TRAPPC1: variants seen among roughly 807,000 people sequenced by gnomAD.
TRAPPC1 encodes trafficking protein particle complex subunit 1.
TRAPPC1 carries 10 observed loss-of-function variants against 17.2 expected under a neutral mutation model. The observed-to-expected ratio is 0.58, with a 90% CI of 0.36 to 0.99. The LOEUF is 0.99. Among genes scored for constraint, TRAPPC1 ranks in the 50% least tolerant of loss-of-function variants. The pLI is 0.01. For synonymous variants in TRAPPC1, 85 were observed against 74.5 expected (o/e 1.14, Z -0.72); for missense variants, 163 against 184.4 (o/e 0.88, Z 0.67).
At chr17:7,931,632 G>A (rs1186862262) in intron 1 of TRAPPC1, 56 bp from the exon 2 acceptor site, 3 of 657,388 alleles carry the variant, frequency 4.6e-6, no homozygotes, top group East Asian at 4.2e-5. Flanking sequence ...GGGGTGGGGG[G>A]TGGGAACGAG....
In TRAPPC1 at chr17:7,931,136, G is replaced by A; in HGVS notation, c.184C>T (p.Leu62=). Reference sequence around the variant, plus strand: ...TTGTAACGGCTAGTTTGGAAGGCCAGGAAGCCATCCTTCCTGCAGAGATGA... The same window carrying A: ...TTGTAACGGCTAGTTTGGAAGGCCAAGAAGCCATCCTTCCTGCAGAGATGA... ...MSPLDMKDGF[L]AFQTSRYKLH... The change falls in exon 3 of 4, where the codon CTG becomes TTG. Residue 62 remains leucine, a synonymous_variant. Transcript: ENST00000303731. 1 of 1,614,020 alleles carries A rather than the reference G, an allele frequency of 6.2e-7. No individual in the cohort carries two copies. The highest frequency in any genetic ancestry group is 8.5e-7 in the Non-Finnish European group (1 of 1,179,976).
chr17:7,931,437 GA>G, intron 2 of TRAPPC1, 68 bp downstream of exon 2: 1 of 1,522,196 alleles, frequency 6.6e-7, no homozygotes, highest in Non-Finnish European at 9.1e-7. Context: ...TTCCACTTCA[GA>G]AAGTTTCCCC....
chr17:7,931,653 G>A (rs1246826684), intron 1 of TRAPPC1, 77 bp from the exon 2 acceptor site: 1 of 1,545,456 alleles, frequency 6.5e-7, no homozygotes, highest in East Asian at 2.2e-5. Context: ...CTGGGGTTTG[G>A]AGAGGAGGGG....
Position 7,930,634 on chromosome 17 carries a change from A to G in TRAPPC1, c.410T>C (p.Leu137Pro). The G allele has an allele frequency of 6.2e-7, 1 of 1,614,198 alleles. No homozygotes were observed. The highest frequency in any genetic ancestry group is 8.5e-7 in the Non-Finnish European group (1 of 1,180,026). Residue 137 changes from leucine to proline, a missense_variant, in exon 4 of 4, where the codon CTG becomes CCG. Transcript: ENST00000303731. ...GCCAGCCCGGGCGGAGAAGAAGGGCAGAGAGCGAACATAGGAGTCCAGTCG... is the reference window on the plus strand; with the variant it reads ...GCCAGCCCGGGCGGAGAAGAAGGGCGGAGAGCGAACATAGGAGTCCAGTCG... ...RSRLDSYVRS[L>P]PFFSARAG
chr17:7,930,844 G>A (rs1021285055), intron 3 of TRAPPC1, 110 bp from the exon 4 acceptor site: 2 of 1,511,698 alleles, frequency 1.3e-6, no homozygotes, highest in African/African-American at 2.8e-5. Flanking sequence ...AGGGCTGGAA[G>A]GCAAGCCCTC....
chr17:7,930,689 G>A lies in TRAPPC1; in HGVS notation c.355C>T (p.Gln119Ter). Residue 119 changes from glutamine (Q) to a stop codon, truncating the protein, a stop_gained, in exon 4 of 4, where the codon CAA becomes TAA. Transcript: ENST00000303731. LOFTEE classifies it high-confidence loss of function. ...VVKNPLCPLGQTVQSELFRSR... is the reference protein window; with the variant it reads ...VVKNPLCPLG Reference sequence around the variant, plus strand: ...CGAAAGAGCTCACTTTGCACAGTTTGGCCCAGCGGGCACAGGGGATTCTTC... The same window carrying A: ...CGAAAGAGCTCACTTTGCACAGTTTAGCCCAGCGGGCACAGGGGATTCTTC... 1.9e-6 allele frequency: 3 copies of A among 1,614,188 alleles called. No individual in the cohort carries two copies. Among genetic ancestry groups the A allele is most frequent in the Non-Finnish European group, 2.5e-6 (3 of 1,180,008 alleles).
In TRAPPC1 at chr17:7,930,691, C is replaced by T; in HGVS notation, c.353G>A (p.Gly118Asp). 1 of 1,614,140 alleles carries T rather than the reference C, an allele frequency of 6.2e-7. No homozygotes were observed. Among genetic ancestry groups the T allele is most frequent in the Non-Finnish European group, 8.5e-7 (1 of 1,180,022 alleles). Residue 118 changes from glycine (G) to aspartate (D), a missense_variant, in exon 4 of 4, where the codon GGC becomes GAC. By Grantham distance (94) the Gly-to-Asp change is moderately conservative. Coordinates refer to ENST00000303731, the MANE Select transcript of TRAPPC1 (RefSeq NM_021210.5). ...AAAGAGCTCACTTTGCACAGTTTGG[C>T]CCAGCGGGCACAGGGGATTCTTCAC... is the stretch of plus-strand genomic sequence containing the variant. ...LVVKNPLCPL[G>D]QTVQSELFRS...
Position 7,931,105 on chromosome 17 carries a change from T to TG in TRAPPC1, c.214dup (p.His72ProfsTer16). ...GATCCCAGTGGGCGTCTCGTAGTAATGGAGTTTGTAACGGCTAGTTTGGAA... is the reference window on the plus strand; with the variant it reads ...GATCCCAGTGGGCGTCTCGTAGTAATGGGAGTTTGTAACGGCTAGTTTGGAA... On this transcript the variant is annotated frameshift_variant, in exon 3 of 4. Coordinates refer to ENST00000303731, the MANE Select transcript of TRAPPC1 (RefSeq NM_021210.5). LOFTEE classifies it high-confidence loss of function. 1 of 1,613,864 alleles carries TG rather than the reference T, an allele frequency of 6.2e-7. No homozygotes were observed.
rs1972506711 is a variant in TRAPPC1 at position 7,931,507 on chromosome 17, T to C, written c.169A>G (p.Met57Val). ...SFVSKMSPLD[M>V]KDGFLAFQTS... ...AACATCTTCTCTGACTCCGCGTACA[T>C]GTCTAGCGGGGACATCTTGCTGACA... The change falls in exon 2 of 4, where the codon ATG becomes GTG. Residue 57 changes from methionine (M) to valine (V), a missense_variant and splice_region_variant. Transcript: ENST00000303731. 3.1e-6 allele frequency: 5 copies of C among 1,613,162 alleles called. No homozygotes were observed. The highest frequency in any genetic ancestry group is 1.3e-5 in the African/African-American group (1 of 74,962).
At position 7,931,916 on chromosome 17, in the gene TRAPPC1, T is replaced by TGGGGACCCCACC; in HGVS notation, c.-99_-88dup. ...CCGGACCCACAGCCTTCCAACCAGG[T>TGGGGACCCCACC]GGGGACCCCACCCACGGACTCACCG... is the stretch of plus-strand genomic sequence containing the variant. On this transcript the variant is annotated 5_prime_UTR_variant, in exon 1 of 4. Transcript: ENST00000303731. 1 of 1,170,052 alleles carries TGGGGACCCCACC rather than the reference T, an allele frequency of 8.5e-7. No homozygotes were observed. Among genetic ancestry groups the TGGGGACCCCACC allele is most frequent in the Admixed American group, 1.7e-5 (1 of 58,992 alleles). 72.5% of individuals were successfully genotyped at this position (1,170,052 alleles called of 1,614,324 possible).
rs1007909181 is a variant in TRAPPC1, at chr17:7,931,405, C to A, written c.170+101G>T. 3 of 1,271,800 alleles carry A rather than the reference C, an allele frequency of 2.4e-6. No homozygotes were observed. In the African/African-American group the frequency reaches 4.4e-5, roughly 19 times the overall value. The allele number at this position is 1,271,800 out of a possible 1,614,324, so 78.8% of individuals were successfully genotyped here. ...TCAGCCTCTCTTAAGTACCCTTTCC[C>A]CCCTCTGGAGGCCAATGCTCCTTCC... On this transcript the variant is annotated intron_variant, in intron 2 of 3. Transcript: ENST00000303731.
chr17:7,931,890 C>G lies in TRAPPC1; in HGVS notation c.-61G>C. ...CGCCCCCACTCCTTGGGCTCGGGTT[C>G]CCGGACCCACAGCCTTCCAACCAGG... On this transcript the variant is annotated 5_prime_UTR_variant, in exon 1 of 4. Coordinates refer to ENST00000303731, the MANE Select transcript of TRAPPC1 (RefSeq NM_021210.5). The G allele has an allele frequency of 6.9e-7, 1 of 1,443,642 alleles. No individual in the cohort carries two copies. Among genetic ancestry groups the G allele is most frequent in the South Asian group, 1.1e-5 (1 of 87,636 alleles). 89.4% of individuals were successfully genotyped at this position (1,443,642 alleles called of 1,614,324 possible).
rs199615724 is a variant in TRAPPC1 at position 7,931,861 on chromosome 17, G to A, written c.-32C>T. ...GGCAGGGAGTGTGAGCCTCGCTCCG[G>A]GGCCGCCCCCACTCCTTGGGCTCGG... On this transcript the variant is annotated 5_prime_UTR_variant, in exon 1 of 4. Transcript: ENST00000303731. 2 of 1,590,686 alleles carry A rather than the reference G, an allele frequency of 1.3e-6. No individual in the cohort carries two copies. Among genetic ancestry groups the A allele is most frequent in the African/African-American group, 2.7e-5 (2 of 74,584 alleles).
intron 1 of TRAPPC1, 27 bp downstream of exon 1, chr17:7,931,704 C>A (rs371606302): frequency 1.9e-6 from 3 of 1,607,882 alleles, no homozygotes; most frequent in Non-Finnish European, 2.6e-6. Context: ...AGAGGTCGCC[C>A]GGGCTGCACC....
Position 7,931,563 on chromosome 17 carries a change from A to G in TRAPPC1, c.113T>C (p.Met38Thr). Reference sequence around the variant, plus strand: ...GCGGATAGAGAAGAGCATCCCGTACATCAGCTTATACTCCTGGAGGGAGAG... The same window carrying G: ...GCGGATAGAGAAGAGCATCCCGTACGTCAGCTTATACTCCTGGAGGGAGAG... ...GIPKEEEYKL[M>T]YGMLFSIRSF... Residue 38 changes from methionine (M) to threonine (T), a missense_variant, in exon 2 of 4, where the codon ATG becomes ACG. Transcript: ENST00000303731. 6.2e-7 allele frequency: 1 copy of G among 1,603,512 alleles called. No individual in the cohort carries two copies. Among genetic ancestry groups the G allele is most frequent in the Non-Finnish European group, 8.5e-7 (1 of 1,173,814 alleles).
intron 3 of TRAPPC1, 132 bp downstream of exon 3, chr17:7,930,879 G>A: frequency 2.7e-6 from 4 of 1,488,872 alleles, no homozygotes; most frequent in South Asian, 1.3e-5. Context: ...GGTGGTGGGA[G>A]TTAAGAACCT....
In TRAPPC1 at chr17:7,931,866, G is replaced by A; in HGVS notation, c.-37C>T. ...GGAGTGTGAGCCTCGCTCCGGGGCC[G>A]CCCCCACTCCTTGGGCTCGGGTTCC... On this transcript the variant is annotated 5_prime_UTR_variant, in exon 1 of 4. Coordinates refer to ENST00000303731, the MANE Select transcript of TRAPPC1 (RefSeq NM_021210.5). 1 of 1,573,490 alleles carries A rather than the reference G, an allele frequency of 6.4e-7. No individual in the cohort carries two copies. Among genetic ancestry groups the A allele is most frequent in the Non-Finnish European group, 8.7e-7 (1 of 1,143,066 alleles).
chr17:7,931,029 C>T lies in TRAPPC1; in HGVS notation c.291G>A (p.Leu97=). 1 of 1,613,854 alleles carries T rather than the reference C, an allele frequency of 6.2e-7. No homozygotes were observed. The change falls in exon 3 of 4, where the codon CTG becomes CTA. Residue 97 remains leucine, a synonymous_variant. Transcript: ENST00000303731. The stretch of plus-strand genomic sequence containing the variant: ...CACTGACCGCACTGTAGATGTGGTG[C>T]AGCACATCTCGGATGGGTCCCACGC... ...DLGVGPIRDV[L]HHIYSALYVE... is the part of the protein sequence containing the mutation.
rs148237150 is a variant in TRAPPC1 at position 7,930,953 on chromosome 17, A to T, written c.309+58T>A. 2.7e-4 allele frequency: 430 copies of T among 1,595,870 alleles called. 1 individual carries two copies. In the African/African-American group the frequency reaches 4.8e-3, roughly 18 times the overall value. Reference sequence around the variant, plus strand: ...TAGTAGGATTGGGGCAGGGGAGATGAGGGAGTCTTGGGGTTCTGAAGAGCT... The same window carrying T: ...TAGTAGGATTGGGGCAGGGGAGATGTGGGAGTCTTGGGGTTCTGAAGAGCT... On this transcript the variant is annotated intron_variant, in intron 3 of 3. Transcript: ENST00000303731.
Sources: allele counts gnomAD v4.1 joint callset, GRCh38; gene constraint gnomAD v4.1.1; transcripts MANE v1.5; gene names NCBI Gene and HGNC (gene_info 2026-07-23, HGNC 2026-07-21).